The following DCAF1 variants were observed in gnomAD, a reference collection of about 807,000 sequenced individuals.
DCAF1 encodes the protein DDB1 and CUL4 associated factor 1, also known as DDB1- and CUL4-associated factor 1.
A neutral mutation model predicts 128.0 loss-of-function variants in DCAF1; 15 were observed. That is an observed-to-expected ratio of 0.12 (90% CI 0.08 to 0.18). The LOEUF (loss-of-function observed/expected upper bound fraction) is 0.18. Among genes scored for constraint, DCAF1 ranks in the 10% least tolerant of loss-of-function variants. The probability of loss-of-function intolerance (pLI) is 1.00; values close to 1 mark genes in which losing one functional copy is unlikely to be tolerated. For synonymous variants in DCAF1, 610 were observed against 603.0 expected, an observed-to-expected ratio of 1.01 and a Z score of -0.17; for missense variants, 988 against 1,649.5, an observed-to-expected ratio of 0.60 and a Z score of 6.95.
intron 3 of DCAF1, among the ~76,000 whole-genome samples, chr3:51,471,830 C>T (rs1553648522): frequency 6.6e-6 from 1 of 151,956 alleles, no homozygotes; most frequent in African/African-American, 2.4e-5. Flanking sequence ...GATTGCGCCA[C>T]TGCACTCCAG....
chr3:51,438,144 T>C, intron 9 of DCAF1: 2 of 383,994 alleles, frequency 5.2e-6, no homozygotes, highest in South Asian at 2.0e-5. Context: ...TTTTTAACTG[T>C]AATTTCATTT....
At chr3:51,413,233 G>A in intron 21 of DCAF1, 49 bp downstream of exon 21, 2 of 1,579,308 alleles carry the variant, frequency 1.3e-6, no homozygotes, top group Non-Finnish European at 1.7e-6. Context: ...CTTAAATAAG[G>A]AACACCAAAA....
At chr3:51,480,765 T>C (rs558544048) in intron 3 of DCAF1, among the ~76,000 whole-genome samples, 3 of 152,250 alleles carry the variant, frequency 2.0e-5, no homozygotes, top group Admixed American at 2.0e-4. Flanking sequence ...CCAGCACCCC[T>C]TGATTTGTTT....
At chr3:51,500,123 A>G (rs1553663649), upstream of DCAF1, 12 of 115,014 alleles carry the variant, frequency 1.0e-4, no homozygotes, top group African/African-American at 1.9e-4. Context: ...GGGGAAAAAA[A>G]AAAAAAAAAA....
At chr3:51,502,828 C>T (rs1245256177), upstream of DCAF1, among the ~76,000 whole-genome samples, 1 of 152,136 alleles carries the variant, frequency 6.6e-6, no homozygotes, top group East Asian at 1.9e-4. Flanking sequence ...TCAAACACCT[C>T]CTTCCCACTT....
intron 24 of DCAF1, 89 bp from the exon 25 acceptor site, chr3:51,398,916 T>C: frequency 6.7e-7 from 1 of 1,492,444 alleles, no homozygotes; most frequent in Non-Finnish European, 9.1e-7. Flanking sequence ...CATACATTCA[T>C]GCCCGAGCAA....
intron 17 of DCAF1, 46 bp from the exon 18 acceptor site, chr3:51,416,917 A>G: frequency 6.4e-7 from 1 of 1,566,888 alleles, no homozygotes; most frequent in Non-Finnish European, 8.7e-7. Context: ...TCTTCAGGAC[A>G]TATTCCTGCA....
intron 3 of DCAF1, among the ~76,000 whole-genome samples, chr3:51,481,712 C>T (rs1329559481): frequency 6.6e-6 from 1 of 151,886 alleles, no homozygotes; most frequent in Non-Finnish European, 1.5e-5. Context: ...TAAAATATGC[C>T]GGGCACAGTG....
At chr3:51,498,151 A>G (rs7372658) in intron 1 of DCAF1, among the ~76,000 whole-genome samples, 131,892 of 149,364 alleles carry the variant, frequency 0.88, 58,371 homozygotes, top group East Asian at 0.94. Context: ...CACGAGGACA[A>G]GAGCTTGAGA....
At chr3:51,400,415 G>A (rs1157705217) in intron 24 of DCAF1, among the ~76,000 whole-genome samples, 1 of 152,136 alleles carries the variant, frequency 6.6e-6, no homozygotes, top group Non-Finnish European at 1.5e-5. Flanking sequence ...CAGACCCACC[G>A]GCCTGAGACC....
Position 51,398,551 on chromosome 3 carries a change from G to A in DCAF1, c.*218C>T. On this transcript the variant is annotated 3_prime_UTR_variant, in exon 25 of 25. Transcript: ENST00000684031. ...GGGGGGTGGATGTGGGGGGTGCAGA[G>A]TAGGGCCTAGTCCCTGTTGTCATTT... 1.7e-6 allele frequency: 1 copy of A among 583,096 alleles called. No homozygotes were observed. Among genetic ancestry groups the A allele is most frequent in the Non-Finnish European group, 3.0e-6 (1 of 331,788 alleles). The allele number at this position is 583,096 out of a possible 1,614,324, so 36.1% of individuals were successfully genotyped here.
At chr3:51,473,503 A>C (rs1304722414) in intron 3 of DCAF1, among the ~76,000 whole-genome samples, 3 of 142,150 alleles carry the variant, frequency 2.1e-5, no homozygotes, top group South Asian at 2.2e-4. Context: ...AAAAAAAAAC[A>C]AAAAACAAAA....
intron 3 of DCAF1, among the ~76,000 whole-genome samples, chr3:51,475,862 TAAAA>T (rs1166826242): frequency 2.2e-4 from 30 of 137,212 alleles, no homozygotes; most frequent in African/African-American, 7.2e-4. Context: ...CTATGTCTCA[TAAAA>T]AAAAAAAAGG....
At chr3:51,475,491 C>T (rs1301833257) in intron 3 of DCAF1, among the ~76,000 whole-genome samples, 1 of 152,044 alleles carries the variant, frequency 6.6e-6, no homozygotes, top group African/African-American at 2.4e-5. Context: ...TCCTGTAGTC[C>T]CTGCTACTCA....
At chr3:51,452,332 CATTA>C (rs1702439277) in intron 6 of DCAF1, among the ~76,000 whole-genome samples, 1 of 151,932 alleles carries the variant, frequency 6.6e-6, no homozygotes. Flanking sequence ...ATTTCTGACT[CATTA>C]ATTGCTATAA....
chr3:51,446,155 C>T (rs1391592228), intron 6 of DCAF1, among the ~76,000 whole-genome samples: 2 of 151,916 alleles, frequency 1.3e-5, no homozygotes, highest in African/African-American at 4.8e-5. Context: ...CAACCACACC[C>T]AGCTGATTTT....
intron 8 of DCAF1, 86 bp downstream of exon 8, chr3:51,441,299 C>T: frequency 6.9e-7 from 1 of 1,448,612 alleles, no homozygotes; most frequent in Non-Finnish European, 9.2e-7. Flanking sequence ...TAGAATATAT[C>T]TTTGTATAAA....
At chr3:51,488,102 C>G (rs1167223938) in intron 2 of DCAF1, among the ~76,000 whole-genome samples, 1 of 151,930 alleles carries the variant, frequency 6.6e-6, no homozygotes, top group Non-Finnish European at 1.5e-5. Flanking sequence ...TGACCTCACA[C>G]AACCCGCCTG....
At chr3:51,449,068 T>C (rs1553640920) in intron 6 of DCAF1, among the ~76,000 whole-genome samples, 10 of 151,854 alleles carry the variant, frequency 6.6e-5, no homozygotes, top group Non-Finnish European at 1.5e-4. Context: ...TACATGAAAA[T>C]TAAACATCAC....
Sources: gnomAD v4.1 joint callset for allele counts (sites outside exome capture counted in the v4.1 genomes callset) on GRCh38, gnomAD v4.1.1 for gene constraint, MANE v1.5 for transcripts, NCBI Gene and HGNC (gene_info 2026-07-23, HGNC 2026-07-21) for gene names.